CCSER1: variants seen among roughly 807,000 people sequenced by gnomAD.
CCSER1 encodes the protein serine-rich coiled-coil domain-containing protein 1.
CCSER1 carries 41 observed loss-of-function variants against 82.0 expected under a neutral mutation model. The ratio of observed to expected loss-of-function variants is 0.50; its 90% CI spans 0.39 to 0.65. The LOEUF (loss-of-function observed/expected upper bound fraction) is 0.65. Ranked by LOEUF, CCSER1 falls within the 30% of genes least tolerant of loss-of-function variation. CCSER1 has a pLI of 0.00. For synonymous variants in CCSER1, 414 were observed against 383.9 expected, an observed-to-expected ratio of 1.08 and a Z score of -0.92; for missense variants, 1,119 against 1,064.2, an observed-to-expected ratio of 1.05 and a Z score of -0.72.
chr4:90,415,116 C>T (rs1273281408), intron 4 of CCSER1, among the ~76,000 whole-genome samples: 1 of 152,124 alleles, frequency 6.6e-6, no homozygotes, highest in Admixed American at 6.5e-5. Flanking sequence ...GAAAGAAAAT[C>T]AGTTGAAAAA....
chr4:90,289,642 T>G (rs1215959419), intron 1 of CCSER1, among the ~76,000 whole-genome samples: 2 of 151,912 alleles, frequency 1.3e-5, no homozygotes, highest in African/African-American at 4.8e-5. Flanking sequence ...ATAAGTTTAT[T>G]AAGAAAACAC....
At chr4:91,464,368 A>G (rs190383793) in intron 10 of CCSER1, among the ~76,000 whole-genome samples, 1,777 of 152,294 alleles carry the variant, frequency 0.012, 33 homozygotes, top group African/African-American at 0.041. Context: ...AAACATGCAA[A>G]GGAACAACCG....
intron 7 of CCSER1, among the ~76,000 whole-genome samples, chr4:90,742,761 C>G (rs753089810): frequency 3.9e-5 from 6 of 152,094 alleles, no homozygotes; most frequent in Non-Finnish European, 7.3e-5. Flanking sequence ...TCCTTGGTGA[C>G]TCTATAGTGC....
intron 10 of CCSER1, among the ~76,000 whole-genome samples, chr4:91,493,798 TA>T (rs1758674589): frequency 6.6e-6 from 1 of 151,830 alleles, no homozygotes; most frequent in Non-Finnish European, 1.5e-5. Flanking sequence ...ATTTCTTTTC[TA>T]GATACCACAA....
At chr4:91,044,618 C>T (rs1742283283) in intron 9 of CCSER1, among the ~76,000 whole-genome samples, 2 of 152,134 alleles carry the variant, frequency 1.3e-5, no homozygotes, top group Admixed American at 1.3e-4. Context: ...TCATCCACAT[C>T]AGTTTCTCAT....
intron 8 of CCSER1, among the ~76,000 whole-genome samples, chr4:90,879,515 AGAGGAAGAG>A (rs1720895691): frequency 7.2e-6 from 1 of 138,870 alleles, no homozygotes; most frequent in African/African-American, 2.8e-5. Flanking sequence ...AAGAAGAAGA[AGAGGAAGAG>A]GAAGAGGAAG....
At chr4:91,390,873 T>C (rs188972326) in intron 10 of CCSER1, among the ~76,000 whole-genome samples, 47 of 152,256 alleles carry the variant, frequency 3.1e-4, no homozygotes, top group Admixed American at 7.9e-4. Context: ...GGCCTAGAGC[T>C]GTTCATATTT....
intron 9 of CCSER1, among the ~76,000 whole-genome samples, chr4:91,059,461 A>ATATATG (rs1743772948): frequency 7.0e-6 from 1 of 143,542 alleles, no homozygotes; most frequent in Non-Finnish European, 1.5e-5. Flanking sequence ...AAGGTTATAT[A>ATATATG]TATATATATA....
intron 10 of CCSER1, among the ~76,000 whole-genome samples, chr4:91,377,066 A>T (rs2149331595): frequency 6.6e-6 from 1 of 152,288 alleles, no homozygotes; most frequent in Admixed American, 6.5e-5. Flanking sequence ...ATGTCCCTAC[A>T]AAGGACATGA....
intron 9 of CCSER1, among the ~76,000 whole-genome samples, chr4:91,060,763 A>G (rs969924138): frequency 6.6e-6 from 1 of 152,078 alleles, no homozygotes; most frequent in African/African-American, 2.4e-5. Context: ...AGTGGGGTTG[A>G]TAATGGTGTA....
chr4:90,246,933 T>C (rs1348508981), intron 1 of CCSER1, among the ~76,000 whole-genome samples: 3 of 152,106 alleles, frequency 2.0e-5, no homozygotes, highest in African/African-American at 4.8e-5. Flanking sequence ...TTGCGGCTTC[T>C]CTTTGACATA....
At chr4:91,191,101 A>G (rs1259261186) in intron 10 of CCSER1, among the ~76,000 whole-genome samples, 1 of 152,202 alleles carries the variant, frequency 6.6e-6, no homozygotes, top group African/African-American at 2.4e-5. Flanking sequence ...ATAAATGTAA[A>G]ACTATAGGTA....
chr4:91,467,455 T>A (rs185056144), intron 10 of CCSER1, among the ~76,000 whole-genome samples: 24 of 152,188 alleles, frequency 1.6e-4, no homozygotes, highest in African/African-American at 5.8e-4. Flanking sequence ...GAACTTCATG[T>A]CTAAAAAACC....
chr4:90,150,502 T>A (rs970306486), intron 1 of CCSER1, among the ~76,000 whole-genome samples: 1 of 152,132 alleles, frequency 6.6e-6, no homozygotes, highest in African/African-American at 2.4e-5. Flanking sequence ...TGTGTATGTG[T>A]AGAAAACGCA....
At chr4:91,108,011 T>C (rs1424636052) in intron 10 of CCSER1, 1 of 152,210 alleles carries the variant, frequency 6.6e-6, no homozygotes, top group African/African-American at 2.4e-5. Flanking sequence ...ATTGAAAAGT[T>C]AGCTTCTCAG....
intron 9 of CCSER1, among the ~76,000 whole-genome samples, chr4:91,044,841 A>T (rs959234019): frequency 1.3e-5 from 2 of 152,150 alleles, no homozygotes; most frequent in African/African-American, 2.4e-5. Flanking sequence ...AATAAGTGCT[A>T]TTTTTCTTGC....
intron 10 of CCSER1, among the ~76,000 whole-genome samples, chr4:91,340,177 A>C (rs188098816): frequency 6.5e-4 from 99 of 152,330 alleles, no homozygotes; most frequent in African/African-American, 2.3e-3. Flanking sequence ...AACCGTATCT[A>C]ATAATAAAAT....
intron 5 of CCSER1, among the ~76,000 whole-genome samples, chr4:90,496,154 T>A (rs1397609930): frequency 6.6e-6 from 1 of 152,190 alleles, no homozygotes; most frequent in Non-Finnish European, 1.5e-5. Flanking sequence ...CCACGATGGA[T>A]GCCACTTGAA....
chr4:90,795,301 A>T (rs1755837948), intron 7 of CCSER1, among the ~76,000 whole-genome samples: 1 of 151,848 alleles, frequency 6.6e-6, no homozygotes, highest in East Asian at 1.9e-4. Context: ...AAAAAAAAAA[A>T]AAAGGAAACA....
Sources: allele counts gnomAD v4.1 joint callset (sites outside exome capture counted in the v4.1 genomes callset), GRCh38; gene constraint gnomAD v4.1.1; transcripts MANE v1.5; gene names NCBI Gene and HGNC (gene_info 2026-07-23, HGNC 2026-07-21).